Variants in EIF4G2 observed in about 807,000 individuals in gnomAD.
The protein encoded by EIF4G2 is eukaryotic translation initiation factor 4 gamma 2.
EIF4G2 carries 8 observed loss-of-function variants against 117.7 expected under a neutral mutation model. That is an observed-to-expected ratio of 0.07 (90% CI 0.04 to 0.12). The LOEUF is 0.12. Ranked by LOEUF, EIF4G2 falls within the 10% of genes least tolerant of loss-of-function variation. The probability of loss-of-function intolerance (pLI) is 1.00; values close to 1 mark genes in which losing one functional copy is unlikely to be tolerated. For missense variants in EIF4G2, 812 were observed against 1,086.2 expected (o/e 0.75, Z 3.55); for synonymous variants, 413 against 367.8 (o/e 1.12, Z -1.41).
In EIF4G2 at chr11:10,804,020, G is replaced by A; in HGVS notation, c.581C>T (p.Pro194Leu). 3 of 1,613,810 alleles carry A rather than the reference G, an allele frequency of 1.9e-6. No homozygotes were observed. The highest frequency in any genetic ancestry group is 1.7e-5 in the Admixed American group (1 of 59,988). ...AATGGCTCTCTGTTCCTCCTCCTCG[G>A]GGAGGAGGGGATTTTCACGCTTATC... is the stretch of plus-strand genomic sequence containing the variant. Residue 194 changes from proline to leucine, a missense_variant, in exon 8 of 22, where the codon CCC becomes CTC. Pro to Leu is a moderately conservative substitution (Grantham distance 98). Around this residue, in one of 4 missense-constraint regions of EIF4G2, gnomAD observed 154 missense variants for 322.1 expected, o/e 0.48. Coordinates refer to ENST00000339995, the MANE Select transcript of EIF4G2 (RefSeq NM_001418.4).
At chr11:10,804,587 GA>G in intron 5 of EIF4G2, 169 bp from the exon 6 acceptor site, 1 of 828,118 alleles carries the variant, frequency 1.2e-6, no homozygotes, top group African/African-American at 1.7e-5. Context: ...AAATGCCATG[GA>G]TATCAAAACT....
chr11:10,807,228 G>C, intron 2 of EIF4G2, 27 bp downstream of exon 2: 1 of 1,598,000 alleles, frequency 6.3e-7, no homozygotes, highest in Non-Finnish European at 8.5e-7. Flanking sequence ...TTTTCAAAAG[G>C]ATTCCCCAAA....
At position 10,802,046 on chromosome 11, in the gene EIF4G2, T is replaced by TGCAG. The variant is rs781136296; in HGVS notation, c.1299+2_1299+3insCTGC. Reference sequence around the variant, plus strand: ...AAAACATGCACACTCAAATATTACTTACCTGGCTTTTCATAAACTTGCCTC... The same window carrying TGCAG: ...AAAACATGCACACTCAAATATTACTTGCAGACCTGGCTTTTCATAAACTTGCCTC... On this transcript the variant is annotated splice_region_variant and intron_variant, in intron 13 of 21. Transcript: ENST00000339995. The TGCAG allele has an allele frequency of 6.2e-7, 1 of 1,612,916 alleles. No homozygotes were observed. The highest frequency in any genetic ancestry group is 8.5e-7 in the Non-Finnish European group (1 of 1,179,374).
chr11:10,800,891 G>A (rs1238813494), intron 15 of EIF4G2, 56 bp from the exon 16 acceptor site: 4 of 1,612,274 alleles, frequency 2.5e-6, no homozygotes, highest in African/African-American at 1.3e-5. Flanking sequence ...AAATTAGGGG[G>A]AAGAACACAC....
At chr11:10,801,275 A>T in intron 14 of EIF4G2, 188 bp from the exon 15 acceptor site, 1 of 677,658 alleles carries the variant, frequency 1.5e-6, no homozygotes, top group Non-Finnish European at 2.4e-6. Context: ...TGATGCATAC[A>T]GTAGTAAGAT....
chr11:10,803,407 A>G lies in EIF4G2; in HGVS notation c.813+73T>C. On this transcript the variant is annotated intron_variant, in intron 9 of 21. Coordinates refer to ENST00000339995, the MANE Select transcript of EIF4G2 (RefSeq NM_001418.4). This position sits in a 1 kb window ranked among gnomAD's most constrained non-coding sequence, Gnocchi z 4.0. ...TAATGGCTAAATATGGCAATCCCTT[A>G]TGATGTCACAAAAATCAATAGCTTG... is the stretch of plus-strand genomic sequence containing the variant. The G allele has an allele frequency of 6.4e-7, 1 of 1,560,226 alleles. No individual in the cohort carries two copies. Among genetic ancestry groups the G allele is most frequent in the Admixed American group, 1.7e-5 (1 of 59,240 alleles).
intron 5 of EIF4G2, 51 bp from the exon 6 acceptor site, chr11:10,804,469 C>G: frequency 6.5e-7 from 1 of 1,527,324 alleles, no homozygotes; most frequent in Non-Finnish European, 8.8e-7. Flanking sequence ...CTCCAAGAAC[C>G]CTTCCTTTAG....
Position 10,808,589 on chromosome 11 carries a change from G to A in EIF4G2, c.-87+116C>T. 6 of 878,950 alleles carry A rather than the reference G, an allele frequency of 6.8e-6. No individual in the cohort carries two copies. In the South Asian group the frequency reaches 1.2e-4, roughly 18 times the overall value. 54.4% of individuals were successfully genotyped at this position (878,950 alleles called of 1,614,324 possible). On this transcript the variant is annotated intron_variant, in intron 1 of 21. Transcript: ENST00000339995. ...AAGCGCAGAGGAAATGCTAAAAAAG[G>A]GTCGCCCCACCCGGCTCCGCCTGCG...
Position 10,800,545 on chromosome 11 carries a change from T to C in EIF4G2, c.1747A>G (p.Ser583Gly), listed in dbSNP as rs1243542182. Reference sequence around the variant, plus strand: ...TCTAGTGACAGGATGATTACTTTGCTTAACATCTCAGGAAGAAAGTGTTTA... The same window carrying C: ...TCTAGTGACAGGATGATTACTTTGCCTAACATCTCAGGAAGAAAGTGTTTA... The change falls in exon 17 of 22, where the codon AGC becomes GGC. Residue 583 changes from serine to glycine, a missense_variant. By Grantham distance (56) the Ser-to-Gly change is moderately conservative. Coordinates refer to ENST00000339995, the MANE Select transcript of EIF4G2 (RefSeq NM_001418.4). 3 of 1,614,092 alleles carry C rather than the reference T, an allele frequency of 1.9e-6. No homozygotes were observed. Among genetic ancestry groups the C allele is most frequent in the Non-Finnish European group, 2.5e-6 (3 of 1,180,036 alleles).
At chr11:10,808,259 A>C in intron 1 of EIF4G2, 1 of 1,184,640 alleles carries the variant, frequency 8.4e-7, no homozygotes, top group Non-Finnish European at 1.1e-6. Context: ...GCCCCTGCCG[A>C]CTCCAGGTCC....
chr11:10,801,872 TA>T, intron 13 of EIF4G2, 98 bp from the exon 14 acceptor site: 1 of 1,265,170 alleles, frequency 7.9e-7, no homozygotes, highest in Non-Finnish European at 1.1e-6. Context: ...AAAGTTAGTT[TA>T]ACTGAATTTG....
In EIF4G2 at chr11:10,799,451, C is replaced by G. The variant is rs756811621; in HGVS notation, c.2325-27G>C. 2.5e-6 allele frequency: 4 copies of G among 1,610,922 alleles called. No homozygotes were observed. The Admixed American group carries it at 6.7e-5, about 27-fold the overall frequency. ...TGGACAGAAAGAGGTCTTGTTAGAA[C>G]CCAACAGTGAGTTTTCTTGCTCAAG... On this transcript the variant is annotated intron_variant, in intron 19 of 21. Coordinates refer to ENST00000339995, the MANE Select transcript of EIF4G2 (RefSeq NM_001418.4).
chr11:10,804,823 T>TAA lies in EIF4G2; in HGVS notation c.351+88_351+89dup, dbSNP rs1469303968. The TAA allele has an allele frequency of 4.6e-6, 5 of 1,086,012 alleles. No individual in the cohort carries two copies. In the Admixed American group the frequency reaches 9.3e-5, roughly 20 times the overall value. The allele number at this position is 1,086,012 out of a possible 1,614,324, so 67.3% of individuals were successfully genotyped here. A position where few individuals can be genotyped will look rare whatever the true frequency, so the allele number is the denominator to read the frequency against. On this transcript the variant is annotated intron_variant, in intron 5 of 21. Transcript: ENST00000339995. The stretch of plus-strand genomic sequence containing the variant: ...CTATCTAACTCACACCTAAGGGTTT[T>TAA]AAGTAGTAATCCAAGTGTAAAAAAA...
chr11:10,806,222 CTTG>C (rs1191572591), intron 3 of EIF4G2, 175 bp from the exon 4 acceptor site: 1 of 827,610 alleles, frequency 1.2e-6, no homozygotes, highest in African/African-American at 1.7e-5. Context: ...ACCTGAAGGG[CTTG>C]TTAATACAGA....
rs781051623 is a variant in EIF4G2 at position 10,806,041 on chromosome 11, G to C, written c.114C>G (p.Phe38Leu). ...CGTTTTGCCCTGGGGTTTTCCCCAG[G>C]AACTCGCTGATTAATAAAAATCAGC... is the stretch of plus-strand genomic sequence containing the variant. Residue 38 changes from phenylalanine to leucine, a missense_variant, in exon 4 of 22, where the codon TTC becomes TTG. This residue lies in a region of EIF4G2 where 79 missense variants were observed against 91.5 expected (regional missense o/e 0.86). Transcript: ENST00000339995. 2 of 1,614,162 alleles carry C rather than the reference G, an allele frequency of 1.2e-6. No individual in the cohort carries two copies. The highest frequency in any genetic ancestry group is 1.7e-6 in the Non-Finnish European group (2 of 1,180,008).
intron 11 of EIF4G2, 35 bp from the exon 12 acceptor site, chr11:10,802,470 CT>C: frequency 6.6e-7 from 1 of 1,521,136 alleles, no homozygotes. Context: ...CTTTTTGTCT[CT>C]GGACACTATT....
At chr11:10,800,405 T>TA (rs759091094) in intron 17 of EIF4G2, 27 bp downstream of exon 17, 2 of 1,613,572 alleles carry the variant, frequency 1.2e-6, no homozygotes. Flanking sequence ...TAAGAGTTCT[T>TA]ACCACACAAT....
At chr11:10,804,841 T>A (rs1049281167) in intron 5 of EIF4G2, 72 bp downstream of exon 5, 4 of 1,324,438 alleles carry the variant, frequency 3.0e-6, no homozygotes, top group Non-Finnish European at 4.3e-6. Context: ...AATCCAAGTG[T>A]AAAAAAACAC....
rs3816958 is a variant in EIF4G2, at chr11:10,802,222, A to G, written c.1139-13T>C. 1 of 1,612,964 alleles carries G rather than the reference A, an allele frequency of 6.2e-7. No homozygotes were observed. Among genetic ancestry groups the G allele is most frequent in the Non-Finnish European group, 8.5e-7 (1 of 1,179,332 alleles). ...CCAATTCCGCTACCTTAAAATACAT[A>G]TACGGACAACTCTCAAAACTAAAGT... On this transcript the variant is annotated splice_polypyrimidine_tract_variant and intron_variant, in intron 12 of 21. Transcript: ENST00000339995.
Sources: gnomAD v4.1 joint callset for allele counts on GRCh38, gnomAD v4.1.1 for gene constraint, gnomAD v4.1.1 regional missense constraint, Gnocchi (gnomAD v3.1) non-coding constraint, MANE v1.5 for transcripts, NCBI Gene and HGNC (gene_info 2026-07-23, HGNC 2026-07-21) for gene names.